Variants in TTC4 observed in about 807,000 individuals in gnomAD.
TTC4 encodes the protein hsp70/Hsp90 co-chaperone CNS1 homolog.
Under a neutral mutation model 51.9 loss-of-function variants are expected in TTC4, and 36 were observed. The ratio of observed to expected loss-of-function variants is 0.69; its 90% CI spans 0.53 to 0.92. TTC4 has a LOEUF of 0.92. TTC4 is among the 40% of genes least tolerant of loss of function. TTC4 has a pLI of 0.00. For missense variants in TTC4, 399 were observed against 454.6 expected (o/e 0.88, Z 1.11); for synonymous variants, 144 against 164.2 (o/e 0.88, Z 0.94).
rs1243895417 is a variant in TTC4, at chr1:54,728,353, A to G, written c.602A>G (p.Glu201Gly). 1 of 1,612,388 alleles carries G rather than the reference A, an allele frequency of 6.2e-7. No individual in the cohort carries two copies. The highest frequency in any genetic ancestry group is 2.2e-5 in the East Asian group (1 of 44,834). The change falls in exon 6 of 10, where the codon GAA (glutamate) becomes GGA (glycine). Residue 201 changes from glutamate to glycine, a missense_variant. This residue lies in a region of TTC4 where 316 missense variants were observed against 349.6 expected (regional missense o/e 0.90). Coordinates refer to ENST00000371281, the MANE Select transcript of TTC4 (RefSeq NM_004623.5). ...RAKADKLKRI[E>G]QRDVRKANLK... is the part of the protein sequence containing the mutation. The stretch of plus-strand genomic sequence containing the variant: ...TCTAAATTTCATTTTTAGCGAATTG[A>G]ACAGAGGGATGTGAGGAAAGCCAAC...
At chr1:54,719,011 T>G (rs1645710257) in intron 3 of TTC4, among the ~76,000 whole-genome samples, 1 of 152,196 alleles carries the variant, frequency 6.6e-6, no homozygotes, top group Admixed American at 6.5e-5. Flanking sequence ...AAATCCTGGC[T>G]GCTGGTACTT....
intron 5 of TTC4, among the ~76,000 whole-genome samples, chr1:54,724,574 C>T (rs12075332): frequency 0.092 from 14,061 of 152,116 alleles, 919 homozygotes; most frequent in South Asian, 0.19. Flanking sequence ...TGCCCAGCCA[C>T]TGAAGCATTT....
At chr1:54,722,640 T>C in intron 4 of TTC4, 35 bp from the exon 5 acceptor site, 1 of 1,606,440 alleles carries the variant, frequency 6.2e-7, no homozygotes. Context: ...TCCATGCATG[T>C]TTTTCTTGAA....
At position 54,741,398 on chromosome 1, in the gene TTC4, G is replaced by A; in HGVS notation, c.1062-13G>A. On this transcript the variant is annotated splice_polypyrimidine_tract_variant and intron_variant, in intron 9 of 9. Coordinates refer to ENST00000371281, the MANE Select transcript of TTC4 (RefSeq NM_004623.5). ...TTAAATTAACACCCTCTCTTTTGTT[G>A]TGTTCACGGCAGGTACTTTGTAAAA... The A allele has an allele frequency of 6.2e-7, 1 of 1,606,904 alleles. No individual in the cohort carries two copies. The highest frequency in any genetic ancestry group is 1.1e-5 in the South Asian group (1 of 90,914).
chr1:54,731,594 G>A lies in TTC4; in HGVS notation c.790G>A (p.Ala264Thr), dbSNP rs138380658. 6.2e-7 allele frequency: 1 copy of A among 1,614,126 alleles called. No individual in the cohort carries two copies. Among genetic ancestry groups the A allele is most frequent in the South Asian group, 1.1e-5 (1 of 91,078 alleles). The change falls in exon 7 of 10, where the codon GCC becomes ACC. Residue 264 changes from alanine to threonine, a missense_variant. Coordinates refer to ENST00000371281, the MANE Select transcript of TTC4 (RefSeq NM_004623.5). The part of the protein sequence containing the change: ...DGLSTENPHG[A>T]RLSLDGQGRL... Reference sequence around the variant, plus strand: ...ACTCAGCACTGAGAACCCCCATGGAGCCAGGCTGAGTCTAGATGGCCAGGG... The same window carrying A: ...ACTCAGCACTGAGAACCCCCATGGAACCAGGCTGAGTCTAGATGGCCAGGG...
intron 3 of TTC4, among the ~76,000 whole-genome samples, chr1:54,720,595 C>T (rs1177764200): frequency 4.6e-5 from 7 of 151,340 alleles, no homozygotes; most frequent in African/African-American, 1.7e-4. Context: ...GAGGATCTAT[C>T]TCATTCTTTT....
intron 9 of TTC4, among the ~76,000 whole-genome samples, chr1:54,740,905 A>G (rs1246586160): frequency 6.6e-6 from 1 of 152,086 alleles, no homozygotes; most frequent in East Asian, 1.9e-4. Context: ...CAGACATGGC[A>G]TCTTCCAGGA....
intron 8 of TTC4, among the ~76,000 whole-genome samples, chr1:54,734,489 T>C (rs1236534965): frequency 6.6e-6 from 1 of 152,124 alleles, no homozygotes; most frequent in Non-Finnish European, 1.5e-5. Flanking sequence ...TTGGTTCAAG[T>C]GATTTTCATG....
At position 54,737,777 on chromosome 1, in the gene TTC4, G is replaced by A. The variant is rs1368048632; in HGVS notation, c.1061+113G>A. ...ACTGGTCAGTTTATAAAGAAAAGAG[G>A]TTTAGTGGAGAACTCACAGTTCCAC... On this transcript the variant is annotated intron_variant, in intron 9 of 9. Coordinates refer to ENST00000371281, the MANE Select transcript of TTC4 (RefSeq NM_004623.5). 8.3e-6 allele frequency: 9 copies of A among 1,084,888 alleles called. No homozygotes were observed. In the African/African-American group the frequency reaches 1.1e-4, roughly 13 times the overall value. The allele number at this position is 1,084,888 out of a possible 1,614,324, so 67.2% of individuals were successfully genotyped here. A position where few individuals can be genotyped will look rare whatever the true frequency, so the allele number is the denominator to read the frequency against.
At chr1:54,733,127 ATCCTGTCAGT>A (rs1185671672) in intron 7 of TTC4, among the ~76,000 whole-genome samples, 1 of 151,014 alleles carries the variant, frequency 6.6e-6, no homozygotes, top group African/African-American at 2.4e-5. Context: ...AAAAAAGAAA[ATCCTGTCAGT>A]CAGGTGCAGG....
At chr1:54,723,769 A>T (rs1484222059) in intron 5 of TTC4, among the ~76,000 whole-genome samples, 1 of 152,216 alleles carries the variant, frequency 6.6e-6, no homozygotes, top group Non-Finnish European at 1.5e-5. Context: ...GCACACACAC[A>T]GTAGTGCTAT....
chr1:54,728,649 A>G (rs1219610954), intron 6 of TTC4, among the ~76,000 whole-genome samples: 2 of 152,204 alleles, frequency 1.3e-5, no homozygotes, highest in Non-Finnish European at 2.9e-5. Context: ...AGTAACATAT[A>G]CAGTTGTCTC....
chr1:54,731,578 T>C lies in TTC4; in HGVS notation c.774T>C (p.Thr258=), dbSNP rs749383466. 6.2e-7 allele frequency: 1 copy of C among 1,614,110 alleles called. No individual in the cohort carries two copies. The highest frequency in any genetic ancestry group is 8.5e-7 in the Non-Finnish European group (1 of 1,180,008). ...LGELFLDGLS[T]ENPHGARLSL... is the part of the protein sequence containing the mutation. ...AGCTTTTCCTGGATGGACTCAGCAC[T>C]GAGAACCCCCATGGAGCCAGGCTGA... Residue 258 remains threonine, a synonymous_variant, in exon 7 of 10, where the codon ACT becomes ACC. Transcript: ENST00000371281.
In TTC4 at chr1:54,728,373, G is replaced by A. The variant is rs753604629; in HGVS notation, c.622G>A (p.Ala208Thr). ...AATTGAACAGAGGGATGTGAGGAAA[G>A]CCAACTTGAAAGAAAAGAAGGAGAG... is the stretch of plus-strand genomic sequence containing the variant. Reference protein sequence around the residue: ...KRIEQRDVRKANLKEKKERNQ... With the variant: ...KRIEQRDVRKTNLKEKKERNQ... Residue 208 changes from alanine (A) to threonine (T), a missense_variant, in exon 6 of 10, where the codon GCC (alanine) becomes ACC (threonine). Ala to Thr is a moderately conservative substitution (Grantham distance 58). Transcript: ENST00000371281. The A allele has an allele frequency of 1.8e-5, 29 of 1,613,044 alleles. No individual in the cohort carries two copies. In the South Asian group the frequency reaches 2.6e-4, roughly 15 times the overall value.
chr1:54,721,011 T>C (rs1645737463), intron 3 of TTC4, 152 bp from the exon 4 acceptor site: 3 of 650,622 alleles, frequency 4.6e-6, no homozygotes, highest in African/African-American at 1.8e-5. Flanking sequence ...TCTAAGGCTC[T>C]TGACAAGTAC....
chr1:54,728,851 T>C (rs72909884), intron 6 of TTC4, among the ~76,000 whole-genome samples: 18,134 of 152,172 alleles, frequency 0.12, 1,806 homozygotes, highest in African/African-American at 0.26. Flanking sequence ...TTGAGGTACA[T>C]CAGCAACAGC....
At chr1:54,734,423 C>A (rs935207951) in intron 8 of TTC4, among the ~76,000 whole-genome samples, 1 of 151,300 alleles carries the variant, frequency 6.6e-6, no homozygotes, top group Non-Finnish European at 1.5e-5. Flanking sequence ...GAATCTCGCT[C>A]TGTCACCTAG....
At chr1:54,740,676 C>T (rs976677729) in intron 9 of TTC4, among the ~76,000 whole-genome samples, 2 of 152,192 alleles carry the variant, frequency 1.3e-5, no homozygotes, top group Non-Finnish European at 2.9e-5. Context: ...AGACCCTAAA[C>T]TGGGTGGAGC....
At position 54,731,606 on chromosome 1, in the gene TTC4, C is replaced by T; in HGVS notation, c.802C>T (p.Leu268=). ...TENPHGARLS[L]DGQGRLSWPV... The stretch of plus-strand genomic sequence containing the variant: ...GAACCCCCATGGAGCCAGGCTGAGT[C>T]TAGATGGCCAGGGCAGGCTGAGCTG... The change falls in exon 7 of 10, where the codon CTA becomes TTA. Residue 268 remains leucine, a synonymous_variant. Transcript: ENST00000371281. The T allele has an allele frequency of 6.2e-7, 1 of 1,614,114 alleles. No homozygotes were observed. The highest frequency in any genetic ancestry group is 8.5e-7 in the Non-Finnish European group (1 of 1,180,018).
Sources: gnomAD v4.1 joint callset for allele counts (sites outside exome capture counted in the v4.1 genomes callset) on GRCh38, gnomAD v4.1.1 for gene constraint, gnomAD v4.1.1 regional missense constraint, MANE v1.5 for transcripts, NCBI Gene and HGNC (gene_info 2026-07-23, HGNC 2026-07-21) for gene names.